PKIB: variants seen among roughly 807,000 people sequenced by gnomAD.
PKIB encodes PKI-beta.
Under a neutral mutation model 4.5 loss-of-function variants are expected in PKIB, and 2 were observed. The ratio of observed to expected loss-of-function variants is 0.44; its 90% CI spans 0.18 to 1.39. PKIB has a LOEUF of 1.39. PKIB is among the 40% of genes most tolerant of loss of function. PKIB has a pLI of 0.27. For synonymous variants in PKIB, 38 were observed against 36.0 expected, an observed-to-expected ratio of 1.06 and a Z score of -0.20; for missense variants, 94 against 92.6, an observed-to-expected ratio of 1.02 and a Z score of -0.06.
intron 1 of PKIB, among the ~76,000 whole-genome samples, chr6:122,611,332 G>A (rs113996898): frequency 0.012 from 1,765 of 152,270 alleles, 35 homozygotes; most frequent in African/African-American, 0.041. Context: ...GAGCTCCCCG[G>A]GGAACGCAGC....
intron 2 of PKIB, among the ~76,000 whole-genome samples, chr6:122,524,324 CTCCTCCTCCTTCTTCTTCT>C (rs1777035822): frequency 7.0e-6 from 1 of 142,600 alleles, no homozygotes; most frequent in Non-Finnish European, 1.5e-5. Context: ...TTTCCTCTTC[CTCCTCCTCCTTCTTCTTCT>C]TCCTCCTCCT....
chr6:122,576,248 C>T (rs1773525856), intron 2 of PKIB, among the ~76,000 whole-genome samples: 6 of 151,972 alleles, frequency 3.9e-5, no homozygotes, highest in African/African-American at 1.5e-4. Context: ...GCCTGTAATC[C>T]CAGAACTTTG....
chr6:122,518,034 T>G (rs1404523905), intron 2 of PKIB, among the ~76,000 whole-genome samples: 1 of 152,246 alleles, frequency 6.6e-6, no homozygotes, highest in African/African-American at 2.4e-5. Flanking sequence ...GTGCTGGCAG[T>G]GAGCTGCACT....
chr6:122,675,549 A>AT (rs1777637574), intron 3 of PKIB, among the ~76,000 whole-genome samples: 1 of 152,188 alleles, frequency 6.6e-6, no homozygotes, highest in African/African-American at 2.4e-5. Flanking sequence ...AAAAGTTAAT[A>AT]TGGCTTTTCT....
chr6:122,686,902 C>T (rs949570071), intron 3 of PKIB, among the ~76,000 whole-genome samples: 2 of 152,060 alleles, frequency 1.3e-5, no homozygotes, highest in Non-Finnish European at 2.9e-5. Context: ...AATATTTTAT[C>T]CCTTTCCATG....
chr6:122,668,412 T>C (rs1324992830), intron 2 of PKIB, among the ~76,000 whole-genome samples: 2 of 152,218 alleles, frequency 1.3e-5, no homozygotes, highest in Non-Finnish European at 2.9e-5. Context: ...TTTCTCATAC[T>C]AAGTGAATTA....
At position 122,725,788 on chromosome 6, in the gene PKIB, C is replaced by T. The variant is rs1389828445; in HGVS notation, c.*593C>T. On this transcript the variant is annotated 3_prime_UTR_variant, in exon 5 of 5. Coordinates refer to ENST00000368452, the MANE Select transcript of PKIB (RefSeq NM_181795.3). ...TATTTTTGTCTGACATATTTTGCTTCTAGTATGTGCCTACTGTGATTTTTT... is the reference window on the plus strand; with the variant it reads ...TATTTTTGTCTGACATATTTTGCTTTTAGTATGTGCCTACTGTGATTTTTT... 4 of 147,320 alleles carry T rather than the reference C, an allele frequency of 2.7e-5. No individual in the cohort carries two copies. The highest frequency in any genetic ancestry group is 5.9e-5 in the Non-Finnish European group (4 of 67,590). The allele number at this position is 147,320 out of a possible 1,614,324, so 9.1% of individuals were successfully genotyped here. A position where few individuals can be genotyped will look rare whatever the true frequency, so the allele number is the denominator to read the frequency against.
upstream of PKIB, among the ~76,000 whole-genome samples, chr6:122,608,196 T>C (rs1284762572): frequency 1.3e-5 from 2 of 152,248 alleles, no homozygotes; most frequent in African/African-American, 2.4e-5. Flanking sequence ...CTTGGACTCT[T>C]CCTTCTTCTC....
chr6:122,635,257 G>A (rs1288007525), intron 2 of PKIB, among the ~76,000 whole-genome samples: 8 of 152,110 alleles, frequency 5.3e-5, no homozygotes. Context: ...TGTGATACAA[G>A]CATACCTTGC....
At chr6:122,704,586 G>GA (rs1490744137) in intron 3 of PKIB, among the ~76,000 whole-genome samples, 3 of 152,020 alleles carry the variant, frequency 2.0e-5, no homozygotes, top group Admixed American at 1.3e-4. Flanking sequence ...ATTGGAACAT[G>GA]AAAAAAATAA....
At chr6:122,540,804 G>T (rs1261623806) in intron 2 of PKIB, among the ~76,000 whole-genome samples, 1 of 151,926 alleles carries the variant, frequency 6.6e-6, no homozygotes, top group Admixed American at 6.6e-5. Flanking sequence ...CATTATTATT[G>T]TGTGGGAGTC....
intron 2 of PKIB, chr6:122,531,186 A>T (rs751253560): frequency 1.3e-4 from 20 of 152,304 alleles, no homozygotes; most frequent in Non-Finnish European, 2.4e-4. Flanking sequence ...AAAAGAAAAT[A>T]TGTATGTGAA....
intron 3 of PKIB, among the ~76,000 whole-genome samples, chr6:122,697,740 T>C (rs149180171): frequency 2.6e-5 from 4 of 152,244 alleles, no homozygotes; most frequent in African/African-American, 9.6e-5. Flanking sequence ...CTGAGGCCTA[T>C]GGGAAGGCTG....
intron 2 of PKIB, among the ~76,000 whole-genome samples, chr6:122,638,160 C>T (rs1008690114): frequency 1.3e-5 from 2 of 152,106 alleles, no homozygotes; most frequent in African/African-American, 4.8e-5. Flanking sequence ...TTGCTTCCTT[C>T]CAGAGTACTG....
chr6:122,500,752 A>G (rs1333823032), intron 2 of PKIB, among the ~76,000 whole-genome samples: 1 of 152,244 alleles, frequency 6.6e-6, no homozygotes, highest in African/African-American at 2.4e-5. Context: ...TAGGTAATTC[A>G]TGGAGAAAAG....
chr6:122,526,358 T>C (rs1777092165), intron 2 of PKIB, among the ~76,000 whole-genome samples: 1 of 152,146 alleles, frequency 6.6e-6, no homozygotes, highest in African/African-American at 2.4e-5. Flanking sequence ...GGGTTTAAAT[T>C]TACTTTGCCC....
At chr6:122,611,721 T>C (rs1029552656) in intron 1 of PKIB, among the ~76,000 whole-genome samples, 10 of 152,202 alleles carry the variant, frequency 6.6e-5, no homozygotes, top group Admixed American at 6.5e-4. Flanking sequence ...ATTTTATATT[T>C]AGAAAGCTCA....
At chr6:122,484,839 G>A (rs894570676) in intron 2 of PKIB, among the ~76,000 whole-genome samples, 1 of 152,150 alleles carries the variant, frequency 6.6e-6, no homozygotes, top group Non-Finnish European at 1.5e-5. Flanking sequence ...CCTTGTGGAT[G>A]AGCTGCAGCC....
chr6:122,717,891 A>G lies in PKIB; in HGVS notation c.97A>G (p.Ile33Val). The G allele has an allele frequency of 6.2e-7, 1 of 1,614,110 alleles. No individual in the cohort carries two copies. The highest frequency in any genetic ancestry group is 8.5e-7 in the Non-Finnish European group (1 of 1,179,980). Residue 33 changes from isoleucine (I) to valine (V), a missense_variant, in exon 4 of 5, where the codon ATC (isoleucine) becomes GTC (valine). By Grantham distance (29) the Ile-to-Val change is conservative. Coordinates refer to ENST00000368452, the MANE Select transcript of PKIB (RefSeq NM_181795.3). ...RAGRRNALPD[I>V]QSSAATDGTS... ...AGGCCGCCGGAATGCCTTACCAGACATCCAGAGTTCAGCTGCCACAGACGG... is the reference window on the plus strand; with the variant it reads ...AGGCCGCCGGAATGCCTTACCAGACGTCCAGAGTTCAGCTGCCACAGACGG...
Sources: gnomAD v4.1 joint callset for allele counts (sites outside exome capture counted in the v4.1 genomes callset) on GRCh38, gnomAD v4.1.1 for gene constraint, MANE v1.5 for transcripts, NCBI Gene and HGNC (gene_info 2026-07-23, HGNC 2026-07-21) for gene names.